The following FAM186A variants were observed in gnomAD, a reference collection of about 807,000 sequenced individuals.
FAM186A encodes protein FAM186A.
Under a neutral mutation model 216.8 loss-of-function variants are expected in FAM186A, and 163 were observed. The observed-to-expected ratio is 0.75, with a 90% CI of 0.66 to 0.86. The LOEUF (loss-of-function observed/expected upper bound fraction) is 0.86, where lower values mean the gene tolerates loss of function less well. Among genes scored for constraint, FAM186A ranks in the 40% least tolerant of loss-of-function variants. The pLI, the probability that FAM186A is intolerant of heterozygous loss-of-function variation, is 0.00. For missense variants in FAM186A, 2,184 were observed against 2,746.2 expected (o/e 0.80, Z 4.58); for synonymous variants, 805 against 1,025.3 (o/e 0.79, Z 4.10).
intron 4 of FAM186A, among the ~76,000 whole-genome samples, chr12:50,340,799 ATTT>A (rs11343486): frequency 1.5e-4 from 21 of 137,552 alleles, no homozygotes; most frequent in African/African-American, 3.4e-4. Flanking sequence ...ATCTTTTCTA[ATTT>A]TTTTTTTTTT....
In FAM186A at chr12:50,355,883, G is replaced by T; in HGVS notation, c.949C>A (p.Gln317Lys). 6.4e-7 allele frequency: 1 copy of T among 1,551,256 alleles called. No individual in the cohort carries two copies. The highest frequency in any genetic ancestry group is 2.4e-5 in the East Asian group (1 of 40,904). The change falls in exon 4 of 8, where the codon CAG becomes AAG. Residue 317 changes from glutamine to lysine, a missense_variant. By Grantham distance (53) the Gln-to-Lys change is moderately conservative. Transcript: ENST00000327337. The part of the protein sequence containing the change: ...RDLSNENEML[Q>K]QKLQDAEEKC... ...TCTTCTGCATCTTGAAGTTTCTGCT[G>T]AAGCATTTCATTTTCGTTACTGAGA...
intron 1 of FAM186A, among the ~76,000 whole-genome samples, chr12:50,382,715 T>A (rs1943264625): frequency 6.6e-6 from 1 of 151,754 alleles, no homozygotes; most frequent in Non-Finnish European, 1.5e-5. Context: ...ATAAAATAAA[T>A]AAATAAATAA....
intron 4 of FAM186A, among the ~76,000 whole-genome samples, chr12:50,345,818 GCTTTGGC>G (rs1942805923): frequency 1.3e-5 from 2 of 151,978 alleles, no homozygotes; most frequent in South Asian, 4.1e-4. Context: ...GCTTAGGATG[GCTTTGGC>G]TATTTGGGCT....
chr12:50,331,816 T>C lies in FAM186A; in HGVS notation c.6702A>G (p.Lys2234=), dbSNP rs1180702453. The C allele has an allele frequency of 6.6e-7, 1 of 1,519,190 alleles. No individual in the cohort carries two copies. Among genetic ancestry groups the C allele is most frequent in the Non-Finnish European group, 8.8e-7 (1 of 1,139,140 alleles). 94.1% of individuals were successfully genotyped at this position (1,519,190 alleles called of 1,614,324 possible). ...KKMIHVFNQL[K]KIHELNLSQP... ...GACTAAGATTCAATTCATGTATCTT[T>C]TTGAGCTATAAAAAAAAATAGATCA... Residue 2234 remains lysine, a synonymous_variant, in exon 6 of 8, where the codon AAA becomes AAG. Coordinates refer to ENST00000327337, the MANE Select transcript of FAM186A (RefSeq NM_001145475.3).
chr12:50,367,373 C>T (rs1475515040), intron 1 of FAM186A, among the ~76,000 whole-genome samples: 1 of 151,842 alleles, frequency 6.6e-6, no homozygotes, highest in Non-Finnish European at 1.5e-5. Context: ...AAAAAAATAG[C>T]TGGGCATGGT....
Position 50,355,335 on chromosome 12 carries a change from C to T in FAM186A, c.1497G>A (p.Leu499=). 1 of 1,550,034 alleles carries T rather than the reference C, an allele frequency of 6.5e-7. No individual in the cohort carries two copies. Among genetic ancestry groups the T allele is most frequent in the African/African-American group, 1.4e-5 (1 of 72,882 alleles). Residue 499 remains leucine, a synonymous_variant, in exon 4 of 8, where the codon CTG becomes CTA. Coordinates refer to ENST00000327337, the MANE Select transcript of FAM186A (RefSeq NM_001145475.3). ...KPSQYYELQV[L]KKKRKEMKSF... ...ATTTCATTTCTTTTCTTTTCTTTTT[C>T]AGTACTTGTAGCTCATAGTATTGAC...
At position 50,355,383 on chromosome 12, in the gene FAM186A, C is replaced by T; in HGVS notation, c.1449G>A (p.Gln483=). 2 of 1,551,410 alleles carry T rather than the reference C, an allele frequency of 1.3e-6. No homozygotes were observed. Among genetic ancestry groups the T allele is most frequent in the Non-Finnish European group, 1.7e-6 (2 of 1,146,994 alleles). Reference sequence around the variant, plus strand: ...GACTAGGTTTGGCCTCTGAGACTTTCTGTCCACTTTTATTATCACTCAGAT... The same window carrying T: ...GACTAGGTTTGGCCTCTGAGACTTTTTGTCCACTTTTATTATCACTCAGAT... ...GPNLSDNKSG[Q]KVSEAKPSQY... Residue 483 remains glutamine, a synonymous_variant, in exon 4 of 8, where the codon CAG becomes CAA. Coordinates refer to ENST00000327337, the MANE Select transcript of FAM186A (RefSeq NM_001145475.3).
intron 1 of FAM186A, among the ~76,000 whole-genome samples, chr12:50,396,025 A>T (rs568313376): frequency 6.6e-6 from 1 of 152,242 alleles, no homozygotes; most frequent in South Asian, 2.1e-4. Flanking sequence ...GGCCTCCCAA[A>T]GTGCTGGGAT....
chr12:50,344,215 C>T (rs1020184799), intron 4 of FAM186A, among the ~76,000 whole-genome samples: 63 of 152,210 alleles, frequency 4.1e-4, no homozygotes, highest in African/African-American at 1.5e-3. Flanking sequence ...GATCCCATCA[C>T]GCAGGTTATG....
intron 1 of FAM186A, among the ~76,000 whole-genome samples, chr12:50,394,462 G>A (rs757154393): frequency 5.3e-5 from 8 of 151,878 alleles, no homozygotes; most frequent in Admixed American, 1.3e-4. Context: ...GCTGAGGCAG[G>A]AGAATCACTT....
chr12:50,336,073 C>T (rs567813163), intron 4 of FAM186A, among the ~76,000 whole-genome samples: 10 of 148,812 alleles, frequency 6.7e-5, no homozygotes, highest in Admixed American at 4.1e-4. Context: ...TGCAGTGAGC[C>T]GAGACCACAC....
intron 5 of FAM186A, among the ~76,000 whole-genome samples, chr12:50,332,992 C>T (rs1942670659): frequency 6.6e-6 from 1 of 151,872 alleles, no homozygotes; most frequent in South Asian, 2.1e-4. Context: ...CACGCCACTG[C>T]ACTCCAGCCT....
At position 50,393,502 on chromosome 12, in the gene FAM186A, A is replaced by C. The variant is rs371583543; in HGVS notation, c.192+2791T>G. Among the ~76,000 whole-genome samples, 3 of 151,208 alleles carry C rather than the reference A, an allele frequency of 2.0e-5. No homozygotes were observed. The East Asian group carries it at 6.0e-4, about 30-fold the overall frequency. On this transcript the variant is annotated intron_variant, in intron 1 of 7. Transcript: ENST00000327337. ...GGTTGCAGTGATCCGAGGTGGTGCC[A>C]TTGCACTCCAGCCTGGGTGTCAGAG...
intron 4 of FAM186A, among the ~76,000 whole-genome samples, chr12:50,340,532 A>G (rs976030646): frequency 1.3e-5 from 2 of 151,980 alleles, no homozygotes; most frequent in Admixed American, 6.6e-5. Flanking sequence ...CAACAGAGGG[A>G]GATCCATCGC....
intron 4 of FAM186A, among the ~76,000 whole-genome samples, chr12:50,335,615 G>C (rs1246815468): frequency 6.6e-6 from 1 of 151,528 alleles, no homozygotes; most frequent in Non-Finnish European, 1.5e-5. Flanking sequence ...CTGCACTCCA[G>C]CCTGGGCAAC....
intron 1 of FAM186A, among the ~76,000 whole-genome samples, chr12:50,395,418 TG>T (rs979911640): frequency 2.4e-4 from 36 of 152,216 alleles, no homozygotes; most frequent in African/African-American, 8.2e-4. Context: ...GAGAATAAAA[TG>T]CAGTATAACC....
intron 4 of FAM186A, among the ~76,000 whole-genome samples, chr12:50,342,697 C>T (rs1942776316): frequency 6.6e-6 from 1 of 150,694 alleles, no homozygotes; most frequent in South Asian, 2.1e-4. Context: ...AGGATGGTCT[C>T]GATCTGATCT....
chr12:50,350,726 C>A lies in FAM186A; in HGVS notation c.6106G>T (p.Ala2036Ser), dbSNP rs886154287. The change falls in exon 4 of 8, where the codon GCC becomes TCC. Residue 2036 changes from alanine to serine, a missense_variant. Transcript: ENST00000327337. ...GTTGGCTTCATGAGAGTGAGAAGGGCCCTTTCATCAGTGTAAGGGGTTTGG... is the reference window on the plus strand; with the variant it reads ...GTTGGCTTCATGAGAGTGAGAAGGGACCTTTCATCAGTGTAAGGGGTTTGG... ...VYQTPYTDER[A>S]LLTLMKPTTS... The A allele has an allele frequency of 8.4e-6, 13 of 1,551,378 alleles. No individual in the cohort carries two copies. Among genetic ancestry groups the A allele is most frequent in the African/African-American group, 1.4e-5 (1 of 72,950 alleles).
chr12:50,379,312 C>T (rs1244992299), intron 1 of FAM186A, among the ~76,000 whole-genome samples: 1 of 151,792 alleles, frequency 6.6e-6, no homozygotes, highest in Non-Finnish European at 1.5e-5. Flanking sequence ...TGGTGGTGGG[C>T]GCCTGTAGTC....
Sources: allele counts gnomAD v4.1 joint callset (sites outside exome capture counted in the v4.1 genomes callset), GRCh38; gene constraint gnomAD v4.1.1; transcripts MANE v1.5; gene names NCBI Gene and HGNC (gene_info 2026-07-23, HGNC 2026-07-21).